Variants in CADM2 observed in about 807,000 individuals in gnomAD.
CADM2 encodes immunoglobulin superfamily member 4D.
Under a neutral mutation model 49.8 loss-of-function variants are expected in CADM2, and 12 were observed. The ratio of observed to expected loss-of-function variants is 0.24; its 90% confidence interval spans 0.15 to 0.39. CADM2 has a LOEUF of 0.39. Ranked by LOEUF, CADM2 falls within the 10% of genes least tolerant of loss-of-function variation. The pLI is 1.00. For synonymous variants in CADM2, 214 were observed against 175.4 expected (o/e 1.22, Z -1.74); for missense variants, 378 against 492.3 (o/e 0.77, Z 2.20).
chr3:85,192,277 G>A (rs567393391), intron 1 of CADM2, among the ~76,000 whole-genome samples: 1 of 152,046 alleles, frequency 6.6e-6, no homozygotes, highest in African/African-American at 2.4e-5. Context: ...TTAAATAAAA[G>A]TCTTAGAATT....
chr3:85,323,537 A>G (rs1189032021), intron 1 of CADM2, among the ~76,000 whole-genome samples: 1 of 152,150 alleles, frequency 6.6e-6, no homozygotes, highest in East Asian at 1.9e-4. Flanking sequence ...CACACTGCCT[A>G]CTTGACAGTT....
intron 1 of CADM2, among the ~76,000 whole-genome samples, chr3:85,602,783 C>T (rs913838568): frequency 1.3e-5 from 2 of 151,804 alleles, no homozygotes; most frequent in Admixed American, 6.6e-5. Flanking sequence ...TTAATACTGG[C>T]AGAGGTGTTC....
In CADM2 at chr3:85,431,860, C is replaced by CATATGTAT. The variant is rs139257494; in HGVS notation, c.62-294658_62-294657insGTATATAT. Reference sequence around the variant, plus strand: ...AACACCATGGTCTTATGCTTAATTGCATATATATATATGCCATGCTCTTTC... The same window carrying CATATGTAT: ...AACACCATGGTCTTATGCTTAATTGCATATGTATATATATATATATGCCATGCTCTTTC... On this transcript the variant is annotated intron_variant, in intron 1 of 9. Transcript: ENST00000383699. Among the ~76,000 whole-genome samples, 4 of 51,810 alleles carry CATATGTAT rather than the reference C, an allele frequency of 7.7e-5. 2 individuals are homozygous for CATATGTAT. Among genetic ancestry groups the CATATGTAT allele is most frequent in the African/African-American group, 2.2e-4 (4 of 18,284 alleles). 34.0% of individuals were successfully genotyped at this position (51,810 alleles called of 152,430 possible). A position where few individuals can be genotyped will look rare whatever the true frequency, so the allele number is the denominator to read the frequency against.
chr3:85,793,597 C>A (rs1021979420), intron 2 of CADM2, among the ~76,000 whole-genome samples: 34 of 152,162 alleles, frequency 2.2e-4, no homozygotes, highest in African/African-American at 7.7e-4. Context: ...TGGTCAGTTT[C>A]AAGCTGCCAA....
At chr3:85,914,326 G>T (rs1245084527) in intron 6 of CADM2, among the ~76,000 whole-genome samples, 3 of 152,048 alleles carry the variant, frequency 2.0e-5, no homozygotes, top group Admixed American at 1.3e-4. Flanking sequence ...TTCCTGTGAG[G>T]ATGTGATGAT....
intron 8 of CADM2, chr3:86,013,384 C>T (rs1236500129): frequency 8.4e-6 from 13 of 1,538,770 alleles, no homozygotes; most frequent in Non-Finnish European, 1.2e-5. Flanking sequence ...CAAAATATAC[C>T]TCTGGATGGA....
At position 86,066,614 on chromosome 3, in the gene CADM2, G is replaced by A. The variant is rs772365339; in HGVS notation, c.1097-51G>A. The A allele has an allele frequency of 1.9e-5, 25 of 1,321,794 alleles. No individual in the cohort carries two copies. In the African/African-American group the frequency reaches 2.3e-4, roughly 12 times the overall value. The allele number at this position is 1,321,794 out of a possible 1,614,324, so 81.9% of individuals were successfully genotyped here. ...CTAAATAATGTAGCTTTAATGCTGGGTATTTTACCAGTCTCACAGAGCTAA... is the reference window on the plus strand; with the variant it reads ...CTAAATAATGTAGCTTTAATGCTGGATATTTTACCAGTCTCACAGAGCTAA... On this transcript the variant is annotated intron_variant, in intron 9 of 9. Transcript: ENST00000383699.
At chr3:86,016,226 A>G (rs1732207805) in intron 8 of CADM2, among the ~76,000 whole-genome samples, 1 of 152,108 alleles carries the variant, frequency 6.6e-6, no homozygotes, top group African/African-American at 2.4e-5. Context: ...AAGTAAACAG[A>G]GGGAAATAAT....
intron 1 of CADM2, among the ~76,000 whole-genome samples, chr3:85,090,371 C>A (rs1247100783): frequency 7.2e-5 from 11 of 152,038 alleles, no homozygotes; most frequent in Non-Finnish European, 1.3e-4. Flanking sequence ...TTGACAATGA[C>A]CACTTACAGA....
chr3:85,546,951 A>T (rs1473585290), intron 1 of CADM2, among the ~76,000 whole-genome samples: 1 of 152,124 alleles, frequency 6.6e-6, no homozygotes, highest in African/African-American at 2.4e-5. Context: ...TTGTCTACAG[A>T]AAGTATTTGT....
At chr3:85,852,280 T>A (rs138058258) in intron 3 of CADM2, among the ~76,000 whole-genome samples, 303 of 152,210 alleles carry the variant, frequency 2.0e-3, no homozygotes, top group Non-Finnish European at 3.8e-3. Flanking sequence ...ACTCAATAAA[T>A]GTTTGTTCCA....
chr3:84,966,320 C>T (rs1209073317), intron 1 of CADM2, among the ~76,000 whole-genome samples: 1 of 151,876 alleles, frequency 6.6e-6, no homozygotes, highest in African/African-American at 2.4e-5. Flanking sequence ...TTAAGTATGT[C>T]ATTATTTTTA....
intron 3 of CADM2, among the ~76,000 whole-genome samples, chr3:85,862,357 C>G (rs1484500586): frequency 6.6e-6 from 1 of 152,016 alleles, no homozygotes; most frequent in Non-Finnish European, 1.5e-5. Context: ...CTAGATGATT[C>G]TAAGCAGTTT....
At chr3:85,085,037 A>G (rs1385128657) in intron 1 of CADM2, among the ~76,000 whole-genome samples, 2 of 152,168 alleles carry the variant, frequency 1.3e-5, no homozygotes, top group Non-Finnish European at 2.9e-5. Context: ...GCTAAGTAAT[A>G]TATTCATCAC....
intron 1 of CADM2, among the ~76,000 whole-genome samples, chr3:85,507,939 T>C (rs2040431739): frequency 6.6e-6 from 1 of 152,142 alleles, no homozygotes; most frequent in Non-Finnish European, 1.5e-5. Context: ...ACTATAGATA[T>C]CTGATGAATT....
chr3:85,605,678 A>G (rs1481535732), intron 1 of CADM2, among the ~76,000 whole-genome samples: 2 of 152,038 alleles, frequency 1.3e-5, no homozygotes, highest in African/African-American at 2.4e-5. Context: ...CTCTTTATTT[A>G]GATGATTCAC....
chr3:85,224,463 G>T (rs577934916), intron 1 of CADM2, among the ~76,000 whole-genome samples: 22 of 152,146 alleles, frequency 1.4e-4, no homozygotes, highest in Non-Finnish European at 2.8e-4. Flanking sequence ...TTTTTTCCTT[G>T]TAAATTTGTT....
intron 1 of CADM2, among the ~76,000 whole-genome samples, chr3:85,185,717 G>T (rs2041045440): frequency 6.6e-6 from 1 of 152,116 alleles, no homozygotes; most frequent in Non-Finnish European, 1.5e-5. Context: ...TGGAGCCTCT[G>T]AGGATTTGGT....
At chr3:85,313,644 A>G (rs1029493339) in intron 1 of CADM2, among the ~76,000 whole-genome samples, 1 of 152,190 alleles carries the variant, frequency 6.6e-6, no homozygotes, top group Admixed American at 6.5e-5. Context: ...GAGCTATTAC[A>G]CAACTGCAGT....
Sources: allele counts gnomAD v4.1 joint callset (sites outside exome capture counted in the v4.1 genomes callset), GRCh38; gene constraint gnomAD v4.1.1; transcripts MANE v1.5; gene names NCBI Gene and HGNC (gene_info 2026-07-23, HGNC 2026-07-21).